Variants in STON1 observed in about 807,000 individuals in gnomAD.
The protein encoded by STON1 is stonin 1.
Under a neutral mutation model 60.9 loss-of-function variants are expected in STON1, and 79 were observed. The observed-to-expected ratio is 1.30, with a 90% CI of 1.08 to 1.56. STON1 has a LOEUF of 1.56. STON1 is among the 40% of genes most tolerant of loss of function. The probability of loss-of-function intolerance (pLI) is 0.00; values close to 1 mark genes in which losing one functional copy is unlikely to be tolerated. For synonymous variants in STON1, 363 were observed against 306.9 expected, an observed-to-expected ratio of 1.18 and a Z score of -1.91; for missense variants, 1,166 against 858.9, an observed-to-expected ratio of 1.36 and a Z score of -4.47.
chr2:48,587,944 A>G (rs949155816), intron 2 of STON1, among the ~76,000 whole-genome samples: 4 of 152,164 alleles, frequency 2.6e-5, no homozygotes, highest in South Asian at 2.1e-4. Context: ...CCCTGCCCCA[A>G]GCTTCTCCGT....
chr2:48,564,458 C>CTCT (rs1558604309), intron 1 of STON1, among the ~76,000 whole-genome samples: 13 of 54,298 alleles, frequency 2.4e-4, no homozygotes, highest in African/African-American at 8.4e-4. Flanking sequence ...TCTTCTTCTT[C>CTCT]TTCTTCTTCT....
At chr2:48,544,309 C>T (rs1002212424) in intron 1 of STON1, among the ~76,000 whole-genome samples, 1 of 152,090 alleles carries the variant, frequency 6.6e-6, no homozygotes, top group Non-Finnish European at 1.5e-5. Flanking sequence ...ATATCTGTGG[C>T]TCAGAGCACA....
chr2:48,587,256 C>T (rs1044026453), intron 2 of STON1, among the ~76,000 whole-genome samples: 1 of 152,170 alleles, frequency 6.6e-6, no homozygotes, highest in African/African-American at 2.4e-5. Flanking sequence ...CTTTGTCTTC[C>T]AGACCTCTGT....
intron 1 of STON1, among the ~76,000 whole-genome samples, chr2:48,559,615 C>T (rs962106903): frequency 5.9e-5 from 9 of 152,200 alleles, no homozygotes; most frequent in African/African-American, 1.7e-4. Flanking sequence ...CCTTGTTTCA[C>T]ACCTGAGAAG....
rs76852022 is a variant in STON1 at position 48,588,816 on chromosome 2, C to T, written c.1931-2837C>T. Among the ~76,000 whole-genome samples the T allele has an allele frequency of 1.6e-3, 250 of 152,220 alleles. 2 individuals are homozygous for T. The East Asian group carries it at 0.035, about 21-fold the overall frequency. ...GGCTGCTGGTCCCTTAATGTCCCTTCTAACCAGCTTGTCAATGCTTAGTAT... is the reference window on the plus strand; with the variant it reads ...GGCTGCTGGTCCCTTAATGTCCCTTTTAACCAGCTTGTCAATGCTTAGTAT... On this transcript the variant is annotated intron_variant, in intron 2 of 3. Transcript: ENST00000404752.
Position 48,582,199 on chromosome 2 carries a change from T to G in STON1, c.1566T>G (p.Asn522Lys), listed in dbSNP as rs756968195. The change falls in exon 2 of 4, where the codon AAT becomes AAG. Residue 522 changes from asparagine (N) to lysine (K), a missense_variant. Transcript: ENST00000404752. Reference protein sequence around the residue: ...FELMRFKTLYNGDNLPFSLKS... With the variant: ...FELMRFKTLYKGDNLPFSLKS... ...TGATGCGTTTCAAGACTTTGTATAA[T>G]GGGGATAATCTTCCCTTTTCCTTGA... 2 of 1,614,216 alleles carry G rather than the reference T, an allele frequency of 1.2e-6. No homozygotes were observed. The highest frequency in any genetic ancestry group is 1.7e-6 in the Non-Finnish European group (2 of 1,180,032).
At chr2:48,585,151 T>C (rs911335919) in intron 2 of STON1, among the ~76,000 whole-genome samples, 5 of 152,122 alleles carry the variant, frequency 3.3e-5, no homozygotes, top group Non-Finnish European at 7.4e-5. Flanking sequence ...TCACAGTAAA[T>C]GGTCTCAAAC....
Position 48,581,383 on chromosome 2 carries a change from G to A in STON1, c.750G>A (p.Met250Ile), listed in dbSNP as rs1446080992. Residue 250 changes from methionine to isoleucine, a missense_variant, in exon 2 of 4, where the codon ATG becomes ATA. Coordinates refer to ENST00000404752, the MANE Select transcript of STON1 (RefSeq NM_006873.4). ...ENQDSLRSLS[M>I]HCLCAEENAS... Reference sequence around the variant, plus strand: ...AAGACTCACTTAGAAGTTTGTCTATGCACTGTCTATGTGCTGAAGAAAATG... The same window carrying A: ...AAGACTCACTTAGAAGTTTGTCTATACACTGTCTATGTGCTGAAGAAAATG... 13 of 1,596,510 alleles carry A rather than the reference G, an allele frequency of 8.1e-6. No homozygotes were observed. Among genetic ancestry groups the A allele is most frequent in the Non-Finnish European group, 1.1e-5 (13 of 1,170,830 alleles).
chr2:48,537,104 T>C (rs1458376335), intron 1 of STON1, among the ~76,000 whole-genome samples: 1 of 152,220 alleles, frequency 6.6e-6, no homozygotes, highest in African/African-American at 2.4e-5. Flanking sequence ...CCTACATCTT[T>C]TTCTTACCAT....
intron 3 of STON1, among the ~76,000 whole-genome samples, chr2:48,594,647 G>A (rs1027820290): frequency 3.9e-5 from 6 of 152,156 alleles, no homozygotes; most frequent in African/African-American, 1.4e-4. Flanking sequence ...AGAGTGACTG[G>A]AGGGCTTTAT....
At chr2:48,578,514 C>T (rs1275967598) in intron 1 of STON1, among the ~76,000 whole-genome samples, 1 of 149,234 alleles carries the variant, frequency 6.7e-6, no homozygotes, top group African/African-American at 2.5e-5. Flanking sequence ...TCTCCTCCTC[C>T]TTCTCCGCTT....
chr2:48,536,666 T>A (rs72872778), intron 1 of STON1, among the ~76,000 whole-genome samples: 3,548 of 152,270 alleles, frequency 0.023, 158 homozygotes, highest in African/African-American at 0.08. Flanking sequence ...ATCTTGGATT[T>A]GACCAATTTA....
At chr2:48,535,489 A>G (rs1026372765) in intron 1 of STON1, among the ~76,000 whole-genome samples, 7 of 152,106 alleles carry the variant, frequency 4.6e-5, no homozygotes, top group African/African-American at 1.7e-4. Context: ...GTACCTTGAG[A>G]TCCCCAGAAG....
At chr2:48,571,809 GA>G (rs1673223243) in intron 1 of STON1, among the ~76,000 whole-genome samples, 1 of 152,168 alleles carries the variant, frequency 6.6e-6, no homozygotes, top group Non-Finnish European at 1.5e-5. Flanking sequence ...GACCAGAATA[GA>G]AAGATGAAGT....
At chr2:48,565,393 C>G (rs576597127) in intron 1 of STON1, among the ~76,000 whole-genome samples, 3 of 151,590 alleles carry the variant, frequency 2.0e-5, no homozygotes, top group South Asian at 2.1e-4. Context: ...CATGAGGGCT[C>G]TACACTCATG....
chr2:48,569,413 T>C (rs1443778781), intron 1 of STON1, among the ~76,000 whole-genome samples: 1 of 152,194 alleles, frequency 6.6e-6, no homozygotes, highest in Non-Finnish European at 1.5e-5. Flanking sequence ...CAGGCATTTG[T>C]AGACAGTGTG....
At chr2:48,576,337 C>A (rs1203515842) in intron 1 of STON1, among the ~76,000 whole-genome samples, 3 of 150,838 alleles carry the variant, frequency 2.0e-5, no homozygotes, top group African/African-American at 7.3e-5. Flanking sequence ...TTTCAGGCAC[C>A]CACCACCACA....
In STON1 at chr2:48,542,624, G is replaced by T. The variant is rs143823303; in HGVS notation, c.-48+12408G>T. ...ATTGTGCTTCAGGAGGTCTAATCAG[G>T]CTAGGCATGGTGGCTCAAGCCTATA... On this transcript the variant is annotated intron_variant, in intron 1 of 3. Transcript: ENST00000404752. Among the ~76,000 whole-genome samples, 515 of 152,258 alleles carry T rather than the reference G, an allele frequency of 3.4e-3. 3 individuals are homozygous for T. The highest frequency in any genetic ancestry group is 0.011 in the African/African-American group (472 of 41,556).
intron 1 of STON1, among the ~76,000 whole-genome samples, chr2:48,534,469 A>G (rs992004145): frequency 3.3e-5 from 5 of 152,126 alleles, no homozygotes; most frequent in African/African-American, 1.2e-4. Flanking sequence ...CACATGTATT[A>G]TTATTATTTT....
Sources: gnomAD v4.1 joint callset for allele counts (sites outside exome capture counted in the v4.1 genomes callset) on GRCh38, gnomAD v4.1.1 for gene constraint, MANE v1.5 for transcripts, NCBI Gene and HGNC (gene_info 2026-07-23, HGNC 2026-07-21) for gene names.